The following ZFHX3 variants were observed in gnomAD, a reference collection of about 807,000 sequenced individuals.
ZFHX3 encodes the protein zinc finger homeobox 3.
Under a neutral mutation model 279.1 loss-of-function variants are expected in ZFHX3, and 42 were observed. The observed-to-expected ratio is 0.15, with a 90% CI of 0.12 to 0.19. The LOEUF (loss-of-function observed/expected upper bound fraction) is 0.19. Ranked by LOEUF, ZFHX3 falls within the 10% of genes least tolerant of loss-of-function variation. The pLI is 1.00. For synonymous variants in ZFHX3, 2,293 were observed against 1,957.8 expected, an observed-to-expected ratio of 1.17 and a Z score of -4.52; for missense variants, 4,981 against 4,754.0, an observed-to-expected ratio of 1.05 and a Z score of -1.40.
intron 5 of ZFHX3, among the ~76,000 whole-genome samples, chr16:73,241,052 G>A (rs1597237548): frequency 6.6e-6 from 1 of 152,314 alleles, no homozygotes; most frequent in African/African-American, 2.4e-5. Flanking sequence ...AAGAAAACTG[G>A]TTTGCTGCCA....
intron 1 of ZFHX3, among the ~76,000 whole-genome samples, chr16:73,028,870 A>G (rs1467105534): frequency 1.3e-5 from 2 of 152,248 alleles, no homozygotes; most frequent in Admixed American, 6.5e-5. Context: ...CCTTTTCGGC[A>G]ACAACAACAG....
chr16:73,216,155 T>G (rs562584213), intron 5 of ZFHX3, among the ~76,000 whole-genome samples: 4 of 152,330 alleles, frequency 2.6e-5, no homozygotes, highest in Non-Finnish European at 4.4e-5. Context: ...TTTAAGATGC[T>G]AAGTTTCGGG....
At chr16:72,823,405 G>A (rs2036848864) in intron 5 of ZFHX3, among the ~76,000 whole-genome samples, 1 of 152,184 alleles carries the variant, frequency 6.6e-6, no homozygotes, top group African/African-American at 2.4e-5. Flanking sequence ...ACAGGGTTGG[G>A]ATATGAGTGG....
intron 4 of ZFHX3, among the ~76,000 whole-genome samples, chr16:73,302,874 C>T (rs1354515124): frequency 6.6e-6 from 1 of 152,186 alleles, no homozygotes; most frequent in Non-Finnish European, 1.5e-5. Flanking sequence ...AATAGAAAAA[C>T]AGCAATGCCT....
intron 3 of ZFHX3, among the ~76,000 whole-genome samples, chr16:73,336,147 G>C (rs920611559): frequency 6.6e-6 from 1 of 152,202 alleles, no homozygotes; most frequent in Non-Finnish European, 1.5e-5. Context: ...AGGTGGTGGA[G>C]AGGGAGGGAA....
At chr16:72,874,117 T>C (rs1322283097) in intron 4 of ZFHX3, among the ~76,000 whole-genome samples, 2 of 151,756 alleles carry the variant, frequency 1.3e-5, no homozygotes, top group Non-Finnish European at 2.9e-5. Context: ...AGGAAACTTT[T>C]AAACAGGTGG....
intron 2 of ZFHX3, among the ~76,000 whole-genome samples, chr16:73,671,943 GC>G (rs2052908293): frequency 6.6e-6 from 1 of 151,206 alleles, no homozygotes; most frequent in Non-Finnish European, 1.5e-5. Context: ...CAGCTAAATG[GC>G]CCATTGAAGA....
chr16:73,455,248 G>A (rs533460284), intron 3 of ZFHX3, among the ~76,000 whole-genome samples: 9 of 152,314 alleles, frequency 5.9e-5, no homozygotes, highest in Admixed American at 2.0e-4. Context: ...TATCTGAGAG[G>A]TCCAAATGCT....
intron 8 of ZFHX3, 152 bp downstream of exon 8, chr16:72,799,875 G>T: frequency 1.5e-6 from 1 of 674,914 alleles, no homozygotes; most frequent in Non-Finnish European, 2.6e-6. Flanking sequence ...AAGAAGCAGA[G>T]TATAAAGTAG....
chr16:73,525,857 C>A (rs1464749649), intron 2 of ZFHX3, among the ~76,000 whole-genome samples: 1 of 152,152 alleles, frequency 6.6e-6, no homozygotes, highest in Non-Finnish European at 1.5e-5. Context: ...CCCTTTTAAG[C>A]CTTACATCAG....
intron 2 of ZFHX3, among the ~76,000 whole-genome samples, chr16:72,956,471 G>T (rs994656251): frequency 6.6e-6 from 1 of 152,196 alleles, no homozygotes; most frequent in East Asian, 1.9e-4. Flanking sequence ...TCTGTAGATT[G>T]TTTTGGCAGC....
At chr16:72,791,864 T>C (rs2035717421) in intron 9 of ZFHX3, among the ~76,000 whole-genome samples, 1 of 152,252 alleles carries the variant, frequency 6.6e-6, no homozygotes, top group African/African-American at 2.4e-5. Context: ...AGTGGCCTTA[T>C]GTTTGGTAAA....
At position 73,567,990 on chromosome 16, in the gene ZFHX3, C is replaced by A. The variant is rs572229338; in HGVS notation, c.-1546-111732G>T. Among the ~76,000 whole-genome samples the A allele has an allele frequency of 3.3e-5, 5 of 152,282 alleles. No individual in the cohort carries two copies. The South Asian group carries it at 1.0e-3, about 32-fold the overall frequency. On this transcript the variant is annotated intron_variant, in intron 2 of 17. Transcript: ENST00000641206. ...ACAAAGTACCACCCCAACCAACCAA[C>A]TCTTCTGGCAGGAAAAAGAAAGAGT...
chr16:73,424,504 G>C (rs529688885), intron 3 of ZFHX3, among the ~76,000 whole-genome samples: 1 of 152,048 alleles, frequency 6.6e-6, no homozygotes, highest in Non-Finnish European at 1.5e-5. Flanking sequence ...CAGTACTTCG[G>C]GAGGCCCAGG....
intron 5 of ZFHX3, among the ~76,000 whole-genome samples, chr16:73,194,069 C>T (rs1271738987): frequency 6.6e-6 from 1 of 152,202 alleles, no homozygotes; most frequent in Non-Finnish European, 1.5e-5. Flanking sequence ...ACTTTCTCTG[C>T]TGAAGAGTTA....
chr16:73,288,652 C>T (rs996532209), intron 4 of ZFHX3, among the ~76,000 whole-genome samples: 1 of 152,178 alleles, frequency 6.6e-6, no homozygotes, highest in African/African-American at 2.4e-5. Context: ...CGCCCCCAAA[C>T]TCAGTTTCCC....
At chr16:73,550,097 G>A (rs1315975442) in intron 2 of ZFHX3, among the ~76,000 whole-genome samples, 3 of 152,128 alleles carry the variant, frequency 2.0e-5, no homozygotes, top group Non-Finnish European at 4.4e-5. Context: ...TTGTCAGAGG[G>A]CATTGATCAG....
intron 8 of ZFHX3, among the ~76,000 whole-genome samples, chr16:73,064,714 A>G: frequency 6.6e-6 from 1 of 152,202 alleles, no homozygotes. Flanking sequence ...CTTCATTTTG[A>G]ATACATGGCG....
At chr16:73,632,718 C>A (rs2386710) in intron 2 of ZFHX3, among the ~76,000 whole-genome samples, 148,522 of 151,620 alleles carry the variant, frequency 0.98, 72,772 homozygotes, top group East Asian at 1. Context: ...AGTCATGATT[C>A]TGTGGACTCC....
Sources: gnomAD v4.1 joint callset for allele counts (sites outside exome capture counted in the v4.1 genomes callset) on GRCh38, gnomAD v4.1.1 for gene constraint, MANE v1.5 for transcripts, NCBI Gene and HGNC (gene_info 2026-07-23, HGNC 2026-07-21) for gene names.